Variants in EML6 observed in about 807,000 individuals in gnomAD.
EML6 encodes EMAP like 6, also known as echinoderm microtubule-associated protein-like 6.
EML6 carries 154 observed loss-of-function variants against 240.1 expected under a neutral mutation model. That is an observed-to-expected ratio of 0.64 (90% CI 0.56 to 0.73). The LOEUF (loss-of-function observed/expected upper bound fraction) is 0.73. Ranked by LOEUF, EML6 falls within the 30% of genes least tolerant of loss-of-function variation. EML6 has a pLI of 0.00. For missense variants in EML6, 2,964 were observed against 2,474.6 expected (o/e 1.20, Z -4.20); for synonymous variants, 1,148 against 899.0 (o/e 1.28, Z -4.95).
At chr2:54,759,479 T>G (rs11895138) in intron 2 of EML6, among the ~76,000 whole-genome samples, 4,523 of 152,076 alleles carry the variant, frequency 0.03, 247 homozygotes, top group African/African-American at 0.1. Context: ...TAATATTATT[T>G]GCTAATATTT....
At position 54,962,600 on chromosome 2, in the gene EML6, T is replaced by G; in HGVS notation, c.5046T>G (p.Ile1682Met). 3.9e-6 allele frequency: 6 copies of G among 1,549,862 alleles called. No individual in the cohort carries two copies. The highest frequency in any genetic ancestry group is 5.2e-6 in the Non-Finnish European group (6 of 1,146,110). The change falls in exon 36 of 42, where the codon ATT becomes ATG. Residue 1682 changes from isoleucine to methionine, a missense_variant. Physicochemically the swap from Ile to Met is conservative, Grantham distance 10 (BLOSUM62 1). Transcript: ENST00000356458. ...GEKNAASNIL[I>M]DGHMEGEIWG... ...AAAATGCTGCTTCTAACATCCTGAT[T>G]GATGGTCACATGGAAGGGGAGATCT...
intron 28 of EML6, among the ~76,000 whole-genome samples, chr2:54,931,021 G>A (rs1036601027): frequency 2.1e-5 from 3 of 144,828 alleles, no homozygotes; most frequent in African/African-American, 5.2e-5. Flanking sequence ...GCAGTGGCGC[G>A]ATCTCGGCTC....
intron 21 of EML6, among the ~76,000 whole-genome samples, chr2:54,896,009 A>G (rs1450865811): frequency 1.3e-5 from 2 of 152,258 alleles, no homozygotes; most frequent in Non-Finnish European, 2.9e-5. Context: ...GTCACAGGTC[A>G]TACCACACTC....
At position 54,823,868 on chromosome 2, in the gene EML6, C is replaced by CTCTCTCTCTCTCTCTCTCTCTCTCTCTT. The variant is rs1376831009; in HGVS notation, c.525+3415_525+3416insCTCTCTCTCTCTCTCTCTTTCTCTCTCT. ...TCATTCATTCTCTCTCTCTCTCTCTCTCTCTCTCTTTCTGTCTCTCTCTCT... is the reference window on the plus strand; with the variant it reads ...TCATTCATTCTCTCTCTCTCTCTCTCTCTCTCTCTCTCTCTCTCTCTCTCTCTTTCTCTCTCTTTCTGTCTCTCTCTCT... On this transcript the variant is annotated intron_variant, in intron 5 of 41. Transcript: ENST00000356458. 8.0e-4 allele frequency among the ~76,000 whole-genome samples: 118 copies of CTCTCTCTCTCTCTCTCTCTCTCTCTCTT among 148,232 alleles called. 1 individual carries two copies. The highest frequency in any genetic ancestry group is 2.9e-3 in the African/African-American group (111 of 38,728).
At chr2:54,889,376 A>G (rs1259416736) in intron 17 of EML6, among the ~76,000 whole-genome samples, 1 of 151,724 alleles carries the variant, frequency 6.6e-6, no homozygotes, top group East Asian at 1.9e-4. Context: ...AGTTGAATTT[A>G]TAAACTAAGG....
chr2:54,829,444 A>G lies in EML6; in HGVS notation c.814A>G (p.Ile272Val). ...WDTDFKPITKIDLRETEQGYK... is the reference protein window; with the variant it reads ...WDTDFKPITKVDLRETEQGYK... ...CACTGATTTCAAACCAATAACCAAA[A>G]TTGATCTCAGGGAGACAGAACAAGG... The change falls in exon 7 of 42, where the codon ATT (isoleucine) becomes GTT (valine). Residue 272 changes from isoleucine to valine, a missense_variant. Ile to Val is a conservative substitution (Grantham distance 29). Coordinates refer to ENST00000356458, the MANE Select transcript of EML6 (RefSeq NM_001039753.4). The G allele has an allele frequency of 6.4e-7, 1 of 1,551,920 alleles. No individual in the cohort carries two copies. The highest frequency in any genetic ancestry group is 8.7e-7 in the Non-Finnish European group (1 of 1,146,808).
intron 41 of EML6, among the ~76,000 whole-genome samples, chr2:54,969,752 G>A (rs1359781825): frequency 1.3e-5 from 2 of 152,230 alleles, no homozygotes; most frequent in African/African-American, 4.8e-5. Context: ...TCTGACTCAA[G>A]TGGAGGTGAT....
intron 2 of EML6, among the ~76,000 whole-genome samples, chr2:54,778,427 G>C (rs1390614542): frequency 6.6e-6 from 1 of 152,122 alleles, no homozygotes; most frequent in Non-Finnish European, 1.5e-5. Context: ...CTCCCAAACT[G>C]GGGCTGAACT....
intron 12 of EML6, among the ~76,000 whole-genome samples, chr2:54,860,763 T>G (rs1329306168): frequency 6.6e-6 from 1 of 152,206 alleles, no homozygotes; most frequent in Non-Finnish European, 1.5e-5. Context: ...TTGCAGCGGC[T>G]TCTTCTCTTA....
In EML6 at chr2:54,954,058, A is replaced by G; in HGVS notation, c.4388A>G (p.Lys1463Arg). 1 of 1,551,662 alleles carries G rather than the reference A, an allele frequency of 6.4e-7. No homozygotes were observed. The highest frequency in any genetic ancestry group is 1.2e-5 in the South Asian group (1 of 84,010). ...TLSMLRCFHS[K>R]GVNYINFSAT... ...TCCATGCTGCGGTGCTTCCACTCCA[A>G]GGGGGTGAATTACATCAACTTCAGT... Residue 1463 changes from lysine (K) to arginine (R), a missense_variant, in exon 32 of 42, where the codon AAG (lysine) becomes AGG (arginine). Physicochemically the swap from Lys to Arg is conservative, Grantham distance 26. Transcript: ENST00000356458.
At chr2:54,936,753 TA>T (rs1263958166) in intron 28 of EML6, among the ~76,000 whole-genome samples, 2 of 152,216 alleles carry the variant, frequency 1.3e-5, no homozygotes, top group Admixed American at 1.3e-4. Flanking sequence ...GTTTCTACAT[TA>T]TTTTTATAAC....
chr2:54,796,853 G>T (rs1472969444), intron 2 of EML6, among the ~76,000 whole-genome samples: 1 of 151,998 alleles, frequency 6.6e-6, no homozygotes, highest in African/African-American at 2.4e-5. Flanking sequence ...TTCAGACAAG[G>T]ACTCCTCACC....
intron 26 of EML6, among the ~76,000 whole-genome samples, chr2:54,921,996 C>G (rs1674281976): frequency 1.3e-5 from 2 of 152,068 alleles, no homozygotes; most frequent in Admixed American, 6.5e-5. Flanking sequence ...TAAAGAGCTC[C>G]TTGACATTGG....
intron 7 of EML6, among the ~76,000 whole-genome samples, chr2:54,834,699 A>G (rs368367786): frequency 7.3e-4 from 111 of 152,344 alleles, no homozygotes; most frequent in African/African-American, 2.5e-3. Flanking sequence ...CTCCGCATCC[A>G]GAAAGAACCT....
intron 28 of EML6, among the ~76,000 whole-genome samples, chr2:54,934,475 G>A (rs1458592771): frequency 3.3e-5 from 5 of 151,974 alleles, no homozygotes; most frequent in Admixed American, 2.6e-4. Context: ...TCTAAATTCC[G>A]TTTTTGTCAT....
intron 7 of EML6, among the ~76,000 whole-genome samples, chr2:54,834,042 C>T (rs970977788): frequency 6.6e-6 from 1 of 152,108 alleles, no homozygotes; most frequent in South Asian, 2.1e-4. Flanking sequence ...GCATCTGGCA[C>T]CAAAGGATTT....
chr2:54,881,340 T>C (rs1267569564), intron 17 of EML6: 1 of 151,650 alleles, frequency 6.6e-6, no homozygotes, highest in East Asian at 1.9e-4. Context: ...GGCCTTAGAG[T>C]GCTTAAGTAG....
chr2:54,787,065 G>A (rs1338682583), intron 2 of EML6, among the ~76,000 whole-genome samples: 5 of 152,144 alleles, frequency 3.3e-5, no homozygotes, highest in Non-Finnish European at 7.3e-5. Flanking sequence ...TGCCTCAGGT[G>A]TGCCCACTGA....
chr2:54,890,619 C>T (rs1188857691), intron 17 of EML6, among the ~76,000 whole-genome samples: 10 of 152,170 alleles, frequency 6.6e-5, no homozygotes, highest in Non-Finnish European at 1.5e-4. Context: ...CAGAGCAATG[C>T]TTTCCACAGC....
Sources: allele counts gnomAD v4.1 joint callset (sites outside exome capture counted in the v4.1 genomes callset), GRCh38; gene constraint gnomAD v4.1.1; transcripts MANE v1.5; gene names NCBI Gene and HGNC (gene_info 2026-07-23, HGNC 2026-07-21).